The following PIK3R5 variants were observed in gnomAD, a reference collection of about 807,000 sequenced individuals.
PIK3R5 encodes phosphoinositide 3-kinase regulatory subunit 5.
A neutral mutation model predicts 94.9 loss-of-function variants in PIK3R5; 32 were observed. The observed-to-expected ratio is 0.34, with a 90% CI of 0.25 to 0.45. The LOEUF (loss-of-function observed/expected upper bound fraction) is 0.45. Among genes scored for constraint, PIK3R5 ranks in the 20% least tolerant of loss-of-function variants. PIK3R5 has a pLI of 1.00. For missense variants in PIK3R5, 853 were observed against 1,144.6 expected (o/e 0.75, Z 3.68); for synonymous variants, 443 against 479.4 (o/e 0.92, Z 0.99).
chr17:8,886,642 G>T, intron 12 of PIK3R5, 37 bp from the exon 13 acceptor site: 1 of 1,545,546 alleles, frequency 6.5e-7, no homozygotes, highest in Non-Finnish European at 8.7e-7. Flanking sequence ...AGCCAGATGG[G>T]TGGGTGGATA....
At chr17:8,916,413 C>A (rs901100092) in intron 1 of PIK3R5, 1 of 152,130 alleles carries the variant, frequency 6.6e-6, no homozygotes, top group Non-Finnish European at 1.5e-5. Context: ...CCCTCCCAAG[C>A]CCCCTCCCTA....
rs959443489 is a variant in PIK3R5, at chr17:8,893,488, G to A, written c.482+98C>T. On this transcript the variant is annotated intron_variant, in intron 6 of 18. Coordinates refer to ENST00000447110, the MANE Select transcript of PIK3R5 (RefSeq NM_001142633.3). This position sits in a 1 kb window ranked among gnomAD's most constrained non-coding sequence, Gnocchi z 5.1. ...TGGCTGGGGTGGACAGGGGGTGGGGGCACTGGATGTTTGAGTGGGGGAGGA... is the reference window on the plus strand; with the variant it reads ...TGGCTGGGGTGGACAGGGGGTGGGGACACTGGATGTTTGAGTGGGGGAGGA... The A allele has an allele frequency of 6.4e-6, 6 of 934,674 alleles. No individual in the cohort carries two copies. The highest frequency in any genetic ancestry group is 8.7e-6 in the Non-Finnish European group (5 of 574,892). 57.9% of individuals were successfully genotyped at this position (934,674 alleles called of 1,614,324 possible).
chr17:8,902,758 G>A (rs537757602), intron 5 of PIK3R5, among the ~76,000 whole-genome samples: 1 of 151,624 alleles, frequency 6.6e-6, no homozygotes, highest in South Asian at 2.1e-4. Context: ...AGTTTTTGTG[G>A]TCTTGTCTTC....
chr17:8,942,604 T>C (rs1009261817), intron 1 of PIK3R5, among the ~76,000 whole-genome samples: 1 of 142,414 alleles, frequency 7.0e-6, no homozygotes, highest in Non-Finnish European at 1.5e-5. Flanking sequence ...TTATTCTTTT[T>C]CTTTCTTTCT....
At chr17:8,918,717 C>A (rs956460930) in intron 1 of PIK3R5, among the ~76,000 whole-genome samples, 3 of 152,050 alleles carry the variant, frequency 2.0e-5, no homozygotes, top group African/African-American at 7.2e-5. Flanking sequence ...CAAAGTATTT[C>A]CCCCCAAATA....
At chr17:8,963,404 A>C (rs1419120682) in intron 1 of PIK3R5, among the ~76,000 whole-genome samples, 1 of 152,118 alleles carries the variant, frequency 6.6e-6, no homozygotes, top group African/African-American at 2.4e-5. Context: ...ATGGATGGCT[A>C]ACACAGGGGT....
chr17:8,950,965 T>C (rs2091365811), intron 1 of PIK3R5, among the ~76,000 whole-genome samples: 1 of 152,156 alleles, frequency 6.6e-6, no homozygotes, highest in Non-Finnish European at 1.5e-5. Context: ...GCATCTGTTG[T>C]TTTTTGGCTT....
intron 14 of PIK3R5, among the ~76,000 whole-genome samples, chr17:8,885,339 C>A (rs1376024352): frequency 6.7e-6 from 1 of 150,322 alleles, no homozygotes; most frequent in Admixed American, 6.6e-5. Context: ...CAGGGCCCTG[C>A]CTCGTGGGTA....
At chr17:8,909,000 G>C (rs1011895598) in intron 3 of PIK3R5, 74 bp downstream of exon 3, 2 of 914,574 alleles carry the variant, frequency 2.2e-6, no homozygotes, top group African/African-American at 3.3e-5. Context: ...CAGGAATGAT[G>C]TTCTCTGGGA....
chr17:8,897,778 T>A (rs2090184476), intron 5 of PIK3R5, among the ~76,000 whole-genome samples: 1 of 152,114 alleles, frequency 6.6e-6, no homozygotes, highest in Non-Finnish European at 1.5e-5. Context: ...TGGCCAGCAC[T>A]CCAGCAGCCA....
At position 8,893,789 on chromosome 17, in the gene PIK3R5, G is replaced by A. The variant is rs1306374183; in HGVS notation, c.413-134C>T. On this transcript the variant is annotated intron_variant, in intron 5 of 18. Coordinates refer to ENST00000447110, the MANE Select transcript of PIK3R5 (RefSeq NM_001142633.3). The surrounding 1 kb of genome is among the most constrained non-coding windows in gnomAD (Gnocchi z 5.1). ...GGAGCTCAGGCGAACCTGCAGAGAA[G>A]CTGTTCTGTGGACCCTCCAGGGTGC... The A allele has an allele frequency of 1.5e-6, 1 of 672,746 alleles. No homozygotes were observed. Among genetic ancestry groups the A allele is most frequent in the African/African-American group, 1.8e-5 (1 of 56,432 alleles). 41.7% of individuals were successfully genotyped at this position (672,746 alleles called of 1,614,324 possible).
intron 1 of PIK3R5, among the ~76,000 whole-genome samples, chr17:8,941,938 T>C (rs1012684947): frequency 2.6e-5 from 4 of 152,210 alleles, no homozygotes; most frequent in African/African-American, 7.2e-5. Flanking sequence ...AGGATTTACA[T>C]GTATGGACTT....
intron 1 of PIK3R5, among the ~76,000 whole-genome samples, chr17:8,937,823 G>T (rs7218886): frequency 0.85 from 128,676 of 152,116 alleles, 54,693 homozygotes; most frequent in African/African-American, 0.89. Flanking sequence ...TTTTTCTTTT[G>T]TGTGTGTGTG....
chr17:8,891,535 G>T (rs542188655), intron 6 of PIK3R5, among the ~76,000 whole-genome samples: 1 of 152,132 alleles, frequency 6.6e-6, no homozygotes, highest in South Asian at 2.1e-4. Context: ...CTCCCTTCCC[G>T]ATGGATACCC....
Position 8,893,286 on chromosome 17 carries a change from G to A in PIK3R5, c.482+300C>T, listed in dbSNP as rs574102815. Among the ~76,000 whole-genome samples, 1 of 152,256 alleles carries A rather than the reference G, an allele frequency of 6.6e-6. No homozygotes were observed. Among genetic ancestry groups the A allele is most frequent in the South Asian group, 2.1e-4 (1 of 4,826 alleles). ...AGTTGCTTGACCTCTCTGACCTCCA[G>A]TTCCTCATCTGAAAATAATGAAAGT... On this transcript the variant is annotated intron_variant, in intron 6 of 18. Coordinates refer to ENST00000447110, the MANE Select transcript of PIK3R5 (RefSeq NM_001142633.3). This position sits in a 1 kb window ranked among gnomAD's most constrained non-coding sequence, Gnocchi z 5.1.
At position 8,880,965 on chromosome 17, in the gene PIK3R5, C is replaced by T. The variant is rs754121488; in HGVS notation, c.2435G>A (p.Ser812Asn). ...VDKVQIIGSN[S>N]CPFAVCLDQD... Reference sequence around the variant, plus strand: ...GTCCAGGCACACAGCAAAGGGGCAGCTGTTGGAGCCGATGATCTGCACCTT... The same window carrying T: ...GTCCAGGCACACAGCAAAGGGGCAGTTGTTGGAGCCGATGATCTGCACCTT... The change falls in exon 18 of 19, where the codon AGC (serine) becomes AAC (asparagine). Residue 812 changes from serine to asparagine, a missense_variant. Ser to Asn is a conservative substitution (Grantham distance 46, BLOSUM62 1). Around this residue, in one of 6 missense-constraint regions of PIK3R5, gnomAD observed 91 missense variants for 90.5 expected, o/e 1.01. Transcript: ENST00000447110. The T allele has an allele frequency of 4.3e-6, 7 of 1,614,148 alleles. No individual in the cohort carries two copies. The highest frequency in any genetic ancestry group is 5.1e-6 in the Non-Finnish European group (6 of 1,179,998).
At chr17:8,887,744 G>A (rs2089902998) in intron 10 of PIK3R5, 61 bp from the exon 11 acceptor site, 8 of 1,496,230 alleles carry the variant, frequency 5.3e-6, no homozygotes, top group Admixed American at 4.0e-5. Flanking sequence ...TGTAATCCCA[G>A]CACTTTGGGA....
chr17:8,887,251 A>G, intron 11 of PIK3R5, 30 bp from the exon 12 acceptor site: 1 of 1,612,448 alleles, frequency 6.2e-7, no homozygotes, highest in South Asian at 1.1e-5. Flanking sequence ...TCATCATCCC[A>G]GCTCCCCAGG....
intron 12 of PIK3R5, 115 bp from the exon 13 acceptor site, chr17:8,886,720 G>A (rs1337817014): frequency 1.5e-5 from 18 of 1,230,660 alleles, no homozygotes; most frequent in Non-Finnish European, 2.0e-5. Flanking sequence ...CAGTCAGGGG[G>A]AGCTGGTGAG....
Sources: gnomAD v4.1 joint callset for allele counts (sites outside exome capture counted in the v4.1 genomes callset) on GRCh38, gnomAD v4.1.1 for gene constraint, gnomAD v4.1.1 regional missense constraint, Gnocchi (gnomAD v3.1) non-coding constraint, MANE v1.5 for transcripts, NCBI Gene and HGNC (gene_info 2026-07-23, HGNC 2026-07-21) for gene names.